The following GSE1 variants were observed in gnomAD, a reference collection of about 807,000 sequenced individuals.
GSE1 encodes genetic suppressor element 1.
GSE1 carries 32 observed loss-of-function variants against 112.6 expected under a neutral mutation model. The observed-to-expected ratio is 0.28, with a 90% CI of 0.21 to 0.38. The LOEUF (loss-of-function observed/expected upper bound fraction) is 0.38. Ranked by LOEUF, GSE1 falls within the 10% of genes least tolerant of loss-of-function variation. The pLI is 1.00. For missense variants in GSE1, 2,348 were observed against 1,699.2 expected (o/e 1.38, Z -6.71); for synonymous variants, 1,115 against 735.6 (o/e 1.52, Z -8.35).
At chr16:85,257,682 G>A (rs7184578) in intron 1 of GSE1, among the ~76,000 whole-genome samples, 6,164 of 152,234 alleles carry the variant, frequency 0.04, 421 homozygotes, top group African/African-American at 0.14. Flanking sequence ...GTGGTGGTGC[G>A]CACCTGTGGT....
At chr16:85,288,982 GTGTC>G (rs2045124515) in intron 1 of GSE1, among the ~76,000 whole-genome samples, 5 of 152,196 alleles carry the variant, frequency 3.3e-5, no homozygotes, top group African/African-American at 1.2e-4. Context: ...GAAAACAATG[GTGTC>G]AGGCTCTCCT....
chr16:85,290,809 T>C (rs1567667021), intron 1 of GSE1, among the ~76,000 whole-genome samples: 1 of 144,930 alleles, frequency 6.9e-6, no homozygotes, highest in Non-Finnish European at 1.5e-5. Flanking sequence ...CAGTGCCATG[T>C]CCTGCATTCT....
intron 1 of GSE1, among the ~76,000 whole-genome samples, chr16:85,289,274 C>T (rs545084514): frequency 3.8e-4 from 58 of 152,278 alleles, no homozygotes; most frequent in African/African-American, 1.3e-3. Flanking sequence ...TTGGCCTCCC[C>T]TCCAATGCTG....
At chr16:85,221,572 C>T (rs989353602) in intron 1 of GSE1, among the ~76,000 whole-genome samples, 6 of 152,170 alleles carry the variant, frequency 3.9e-5, no homozygotes, top group Admixed American at 2.6e-4. Context: ...CTAAACCAGG[C>T]ACCACCCGTC....
At chr16:85,542,733 A>G (rs1465955981) in intron 2 of GSE1, among the ~76,000 whole-genome samples, 1 of 152,176 alleles carries the variant, frequency 6.6e-6, no homozygotes, top group Non-Finnish European at 1.5e-5. Flanking sequence ...TCCACACAGC[A>G]CCTGGTTTGT....
chr16:85,644,013 G>A (rs918471641), intron 2 of GSE1, among the ~76,000 whole-genome samples: 11 of 152,272 alleles, frequency 7.2e-5, no homozygotes, highest in Non-Finnish European at 1.3e-4. Context: ...TGGGCCGGGT[G>A]CACAGGAGGG....
chr16:85,652,623 GGCCCGGGCTGCCT>G (rs2051466407), intron 3 of GSE1, among the ~76,000 whole-genome samples: 1 of 152,152 alleles, frequency 6.6e-6, no homozygotes, highest in Admixed American at 6.5e-5. Flanking sequence ...GGGAGGCGCC[GGCCCGGGCTGCCT>G]GCACTGCCTC....
intron 1 of GSE1, among the ~76,000 whole-genome samples, chr16:85,581,864 G>A (rs1398439387): frequency 1.3e-5 from 2 of 152,158 alleles, no homozygotes; most frequent in East Asian, 3.9e-4. Flanking sequence ...CGAATCTTAT[G>A]GGGTTCTAGA....
intron 2 of GSE1, among the ~76,000 whole-genome samples, chr16:85,403,086 G>A (rs2048155455): frequency 3.2e-5 from 1 of 31,724 alleles, no homozygotes; most frequent in South Asian, 2.2e-3. Context: ...CTCTCCCATG[G>A]TTGCTGGGGG....
At chr16:85,298,154 G>T (rs991010456) in intron 1 of GSE1, among the ~76,000 whole-genome samples, 45 of 152,236 alleles carry the variant, frequency 3.0e-4, no homozygotes, top group African/African-American at 1.0e-3. Flanking sequence ...GAATTCCGCA[G>T]TGCGGGGTGG....
intron 1 of GSE1, among the ~76,000 whole-genome samples, chr16:85,189,270 A>G (rs35348248): frequency 0.081 from 12,312 of 152,180 alleles, 645 homozygotes; most frequent in Middle Eastern, 0.13. Flanking sequence ...CTAGCACTTT[A>G]TTCTATTTGA....
intron 1 of GSE1, among the ~76,000 whole-genome samples, chr16:85,300,413 C>T (rs562393196): frequency 2.6e-5 from 4 of 152,206 alleles, no homozygotes; most frequent in Admixed American, 2.6e-4. Context: ...CTCCTCTTCC[C>T]AAACAGAAAT....
intron 1 of GSE1, among the ~76,000 whole-genome samples, chr16:85,219,123 C>G (rs1597826461): frequency 1.3e-5 from 2 of 152,162 alleles, no homozygotes; most frequent in East Asian, 3.9e-4. Flanking sequence ...CATGATCCGC[C>G]CACCTCAGCT....
intron 2 of GSE1, among the ~76,000 whole-genome samples, chr16:85,378,885 C>T (rs2047483633): frequency 6.6e-6 from 1 of 152,196 alleles, no homozygotes; most frequent in African/African-American, 2.4e-5. Context: ...CTTCCCTGAA[C>T]CAGTACTGAG....
chr16:85,375,757 G>A (rs1172757806), intron 2 of GSE1, among the ~76,000 whole-genome samples: 1 of 152,132 alleles, frequency 6.6e-6, no homozygotes, highest in Non-Finnish European at 1.5e-5. Flanking sequence ...TCTCCCGGGG[G>A]CAGCTCCGTA....
At chr16:85,428,942 C>G (rs551653912) in intron 2 of GSE1, among the ~76,000 whole-genome samples, 1 of 152,168 alleles carries the variant, frequency 6.6e-6, no homozygotes. Flanking sequence ...CTGGAGTGAG[C>G]AGTAACATTT....
At chr16:85,337,552 G>A (rs12926595) in intron 1 of GSE1, among the ~76,000 whole-genome samples, 24,550 of 141,912 alleles carry the variant, frequency 0.17, 1,882 homozygotes, top group East Asian at 0.24. Flanking sequence ...TGATCCGCCC[G>A]CCTCGGCCTC....
At chr16:85,579,745 G>A (rs1315788220) in intron 1 of GSE1, among the ~76,000 whole-genome samples, 2 of 152,176 alleles carry the variant, frequency 1.3e-5, no homozygotes, top group African/African-American at 2.4e-5. Context: ...TTCGGTCTGG[G>A]CCAGGAAGAG....
chr16:85,223,910 C>A (rs1439351457), intron 1 of GSE1, among the ~76,000 whole-genome samples: 1 of 152,138 alleles, frequency 6.6e-6, no homozygotes, highest in East Asian at 1.9e-4. Context: ...TGGCCCACCA[C>A]TGTAACCATT....
Sources: gnomAD v4.1 joint callset for allele counts (sites outside exome capture counted in the v4.1 genomes callset) on GRCh38, gnomAD v4.1.1 for gene constraint, MANE v1.5 for transcripts, NCBI Gene and HGNC (gene_info 2026-07-23, HGNC 2026-07-21) for gene names.